The following MED12L variants were observed in gnomAD, a reference collection of about 807,000 sequenced individuals.
The protein encoded by MED12L is mediator complex subunit 12L.
Under a neutral mutation model 281.3 loss-of-function variants are expected in MED12L, and 60 were observed. The observed-to-expected ratio is 0.21, with a 90% confidence interval of 0.17 to 0.26. The LOEUF is 0.26. Among genes scored for constraint, MED12L ranks in the 10% least tolerant of loss-of-function variants. The pLI, the probability that MED12L is intolerant of heterozygous loss-of-function variation, is 1.00. For missense variants in MED12L, 2,146 were observed against 2,680.9 expected (o/e 0.80, Z 4.41); for synonymous variants, 974 against 987.2 (o/e 0.99, Z 0.25).
In MED12L at chr3:151,087,080, C is replaced by T. The variant is rs550781126; in HGVS notation, c.99+55C>T. ...CGGGGCCGCGCTCTGCAGCACTGAC[C>T]CGGGGCCAAGTTGGCCCAGCGGGCA... On this transcript the variant is annotated intron_variant, in intron 2 of 44. Transcript: ENST00000687756. 45 of 1,441,526 alleles carry T rather than the reference C, an allele frequency of 3.1e-5. No individual in the cohort carries two copies. In the South Asian group the frequency reaches 5.2e-4, roughly 17 times the overall value. 89.3% of individuals were successfully genotyped at this position (1,441,526 alleles called of 1,614,324 possible).
In MED12L at chr3:151,316,119, C is replaced by A. The variant is rs374302939; in HGVS notation, c.2251-33940C>A. Among the ~76,000 whole-genome samples the A allele has an allele frequency of 2.6e-5, 4 of 152,096 alleles. No individual in the cohort carries two copies. The East Asian group carries it at 7.7e-4, about 29-fold the overall frequency. ...CTCCAGGGATCAGAATGAGGATTGCCCTGTTCTTTGTGGTACAATGAAAAG... is the reference window on the plus strand; with the variant it reads ...CTCCAGGGATCAGAATGAGGATTGCACTGTTCTTTGTGGTACAATGAAAAG... On this transcript the variant is annotated intron_variant, in intron 16 of 44. Transcript: ENST00000687756.
At chr3:151,380,718 A>G (rs956726073) in intron 32 of MED12L, among the ~76,000 whole-genome samples, 7 of 152,176 alleles carry the variant, frequency 4.6e-5, no homozygotes, top group African/African-American at 1.7e-4. Flanking sequence ...ACAACTTTAT[A>G]TTAATGAGAT....
At chr3:151,376,673 C>A in intron 28 of MED12L, 127 bp from the exon 29 acceptor site, 1 of 761,496 alleles carries the variant, frequency 1.3e-6, no homozygotes, top group Non-Finnish European at 2.2e-6. Context: ...AACCTTTTGA[C>A]TCATATAAAT....
intron 16 of MED12L, among the ~76,000 whole-genome samples, chr3:151,342,688 G>C (rs1752021369): frequency 6.6e-6 from 1 of 152,106 alleles, no homozygotes; most frequent in African/African-American, 2.4e-5. Flanking sequence ...CCAAATGTTG[G>C]TCATCTTAAA....
At chr3:151,103,101 A>C (rs1721590710) in intron 2 of MED12L, among the ~76,000 whole-genome samples, 1 of 152,248 alleles carries the variant, frequency 6.6e-6, no homozygotes, top group African/African-American at 2.4e-5. Context: ...CCTCAGCAAT[A>C]AGGGATCTAA....
chr3:151,407,306 A>C (rs766829889), intron 39 of MED12L, among the ~76,000 whole-genome samples: 1 of 152,246 alleles, frequency 6.6e-6, no homozygotes, highest in Admixed American at 6.5e-5. Flanking sequence ...CAGCTGTCAC[A>C]TGCAGATCGC....
At chr3:151,318,582 T>C (rs1748592527) in intron 16 of MED12L, among the ~76,000 whole-genome samples, 1 of 152,180 alleles carries the variant, frequency 6.6e-6, no homozygotes, top group Non-Finnish European at 1.5e-5. Context: ...GCATCTCTTA[T>C]GGCCCCCATA....
chr3:151,299,904 G>C (rs1004446772), intron 16 of MED12L, among the ~76,000 whole-genome samples: 1 of 152,138 alleles, frequency 6.6e-6, no homozygotes, highest in Non-Finnish European at 1.5e-5. Context: ...CAGCGATACT[G>C]TCCTGCATGT....
In MED12L at chr3:151,198,794, G is replaced by C. The variant is rs1725066825; in HGVS notation, c.2250+5128G>C. ...GAGCTGTCGAATTACAAGGCAATTG[G>C]ATATTAAAATGATGGCTGAGAAATT... On this transcript the variant is annotated intron_variant, in intron 16 of 44. Transcript: ENST00000687756. 1.2e-6 allele frequency: 2 copies of C among 1,613,388 alleles called. No individual in the cohort carries two copies. The highest frequency in any genetic ancestry group is 1.7e-5 in the Admixed American group (1 of 60,006).
chr3:151,315,719 A>G (rs1748137912), intron 16 of MED12L, among the ~76,000 whole-genome samples: 1 of 152,216 alleles, frequency 6.6e-6, no homozygotes, highest in African/African-American at 2.4e-5. Context: ...ATAAAGTAAT[A>G]TAGAACCAGA....
At chr3:151,178,990 A>G (rs529470029) in intron 11 of MED12L, among the ~76,000 whole-genome samples, 3 of 152,336 alleles carry the variant, frequency 2.0e-5, no homozygotes, top group South Asian at 4.1e-4. Flanking sequence ...TATCAGTCCT[A>G]TGACTTTAGT....
At chr3:151,228,945 T>A (rs1484679523) in intron 16 of MED12L, among the ~76,000 whole-genome samples, 1 of 152,188 alleles carries the variant, frequency 6.6e-6, no homozygotes, top group African/African-American at 2.4e-5. Flanking sequence ...TATTTGCATT[T>A]CTCAGGCAAG....
intron 8 of MED12L, 115 bp downstream of exon 8, chr3:151,160,216 C>A: frequency 1.0e-6 from 1 of 962,688 alleles, no homozygotes; most frequent in East Asian, 2.5e-5. Context: ...TTTTTCCTCA[C>A]CCAAGTAATT....
chr3:151,138,775 TA>T (rs1716507157), intron 5 of MED12L, among the ~76,000 whole-genome samples: 1 of 152,228 alleles, frequency 6.6e-6, no homozygotes, highest in Admixed American at 6.5e-5. Flanking sequence ...CTATTGATGT[TA>T]ACCTTGATCA....
intron 16 of MED12L, among the ~76,000 whole-genome samples, chr3:151,336,272 A>G (rs1050666418): frequency 2.0e-5 from 3 of 152,208 alleles, no homozygotes; most frequent in Non-Finnish European, 2.9e-5. Flanking sequence ...GTTATATACT[A>G]TATGAACTGT....
intron 2 of MED12L, among the ~76,000 whole-genome samples, chr3:151,101,193 C>G (rs1721348992): frequency 6.6e-6 from 1 of 152,114 alleles, no homozygotes; most frequent in Non-Finnish European, 1.5e-5. Flanking sequence ...TTTAAAATGA[C>G]TAATTCATTA....
chr3:151,436,488 GTTTGT>G lies in MED12L; in HGVS notation c.*3689_*3693del, dbSNP rs1297925427. The G allele has an allele frequency of 2.0e-5, 9 of 450,020 alleles. No homozygotes were observed. Among genetic ancestry groups the G allele is most frequent in the East Asian group, 3.5e-5 (1 of 28,406 alleles). 27.9% of individuals were successfully genotyped at this position (450,020 alleles called of 1,614,324 possible). ...AAAATAAAAGTGCCTTAAGTTAAAA[GTTTGT>G]TTTGAGATCCATTAAATAAATCAGT... On this transcript the variant is annotated 3_prime_UTR_variant, in exon 45 of 45. Transcript: ENST00000687756.
chr3:151,123,633 G>A (rs1200476902), intron 4 of MED12L, among the ~76,000 whole-genome samples: 1 of 152,048 alleles, frequency 6.6e-6, no homozygotes. Flanking sequence ...TAGAAACCTC[G>A]CTTATAGTCC....
chr3:151,352,841 T>A (rs1221655469), intron 17 of MED12L, among the ~76,000 whole-genome samples: 1 of 152,078 alleles, frequency 6.6e-6, no homozygotes, highest in East Asian at 1.9e-4. Context: ...GGCTAAAGTT[T>A]CAGGACTTAA....
Sources: gnomAD v4.1 joint callset for allele counts (sites outside exome capture counted in the v4.1 genomes callset) on GRCh38, gnomAD v4.1.1 for gene constraint, MANE v1.5 for transcripts, NCBI Gene and HGNC (gene_info 2026-07-23, HGNC 2026-07-21) for gene names.